The following PRR16 variants were observed in gnomAD, a reference collection of about 807,000 sequenced individuals.
PRR16 encodes proline rich 16.
A neutral mutation model predicts 18.2 loss-of-function variants in PRR16; 6 were observed. The ratio of observed to expected loss-of-function variants is 0.33; its 90% CI spans 0.18 to 0.65. The LOEUF (loss-of-function observed/expected upper bound fraction) is 0.65, where lower values mean the gene tolerates loss of function less well. PRR16 is among the 30% of genes least tolerant of loss of function. The pLI is 0.74. For missense variants in PRR16, 412 were observed against 376.6 expected (o/e 1.09, Z -0.78); for synonymous variants, 151 against 147.8 (o/e 1.02, Z -0.16).
intron 1 of PRR16, among the ~76,000 whole-genome samples, chr5:120,482,609 T>C (rs1360798700): frequency 6.6e-6 from 1 of 152,146 alleles, no homozygotes; most frequent in Non-Finnish European, 1.5e-5. Context: ...GTGTGTTTTT[T>C]TGGTAGAATG....
the PRR16 span, among the ~76,000 whole-genome samples, chr5:120,722,038 A>C: frequency 1.3e-5 from 2 of 152,072 alleles, no homozygotes; most frequent in South Asian, 4.2e-4. Flanking sequence ...CCTACCTGCC[A>C]ACAGGCCCTG....
chr5:120,529,619 G>A (rs1052726401), intron 1 of PRR16, among the ~76,000 whole-genome samples: 1 of 152,116 alleles, frequency 6.6e-6, no homozygotes, highest in Non-Finnish European at 1.5e-5. Flanking sequence ...TTCATGGCTT[G>A]AGAAGTGTTC....
intron 1 of PRR16, among the ~76,000 whole-genome samples, chr5:120,535,030 T>C (rs897246155): frequency 6.6e-6 from 1 of 151,904 alleles, no homozygotes; most frequent in African/African-American, 2.4e-5. Context: ...ATGAACCAGA[T>C]TGTAAGGGAT....
In PRR16 at chr5:120,572,031, A is replaced by G. The variant is rs182097558; in HGVS notation, c.159+107386A>G. On this transcript the variant is annotated intron_variant, in intron 1 of 1. Coordinates refer to ENST00000407149, the MANE Select transcript of PRR16 (RefSeq NM_001300783.2). ...CAAACTGTTTGCATGACAGTTTGTGACTACAAGAACAAGTATCCCGAAAGA... is the reference window on the plus strand; with the variant it reads ...CAAACTGTTTGCATGACAGTTTGTGGCTACAAGAACAAGTATCCCGAAAGA... 3.3e-5 allele frequency among the ~76,000 whole-genome samples: 5 copies of G among 152,284 alleles called. No homozygotes were observed. The East Asian group carries it at 5.8e-4, about 18-fold the overall frequency.
chr5:120,755,880 A>C, the PRR16 span, among the ~76,000 whole-genome samples: 1 of 152,130 alleles, frequency 6.6e-6, no homozygotes, highest in African/African-American at 2.4e-5. Flanking sequence ...TTACTGAAAG[A>C]AAAGTGTACT....
chr5:120,713,631 T>G, the PRR16 span, among the ~76,000 whole-genome samples: 2 of 152,146 alleles, frequency 1.3e-5, no homozygotes, highest in African/African-American at 4.8e-5. Flanking sequence ...AGGCAGTAAG[T>G]AGCTTGCCCA....
intron 1 of PRR16, among the ~76,000 whole-genome samples, chr5:120,497,142 A>G (rs901905319): frequency 6.6e-6 from 1 of 152,114 alleles, no homozygotes; most frequent in Non-Finnish European, 1.5e-5. Context: ...ATTTTTGTAT[A>G]TGTTTCACGG....
chr5:120,584,466 T>C (rs1173866425), intron 1 of PRR16, among the ~76,000 whole-genome samples: 2 of 152,198 alleles, frequency 1.3e-5, no homozygotes, highest in South Asian at 2.1e-4. Context: ...AGACTAAACA[T>C]TTAATTGCTA....
chr5:120,510,268 C>T (rs905084974), intron 1 of PRR16, among the ~76,000 whole-genome samples: 1 of 152,164 alleles, frequency 6.6e-6, no homozygotes, highest in African/African-American at 2.4e-5. Context: ...TGGCAGAACA[C>T]TTTGTGTTCT....
chr5:120,552,704 A>AT (rs1752291300), intron 1 of PRR16, among the ~76,000 whole-genome samples: 1 of 151,866 alleles, frequency 6.6e-6, no homozygotes, highest in Admixed American at 6.6e-5. Flanking sequence ...AACCACATGC[A>AT]TTTTTTCCTG....
At chr5:120,703,015 C>T in the PRR16 span, among the ~76,000 whole-genome samples, 1 of 152,148 alleles carries the variant, frequency 6.6e-6, no homozygotes, top group African/African-American at 2.4e-5. Flanking sequence ...AGCAACATGG[C>T]TGTTTATTTC....
At chr5:120,754,281 T>C in the PRR16 span, among the ~76,000 whole-genome samples, 6 of 39,784 alleles carry the variant, frequency 1.5e-4, no homozygotes, top group East Asian at 1.0e-3. Context: ...AAATAATATA[T>C]AAATATATAA....
chr5:120,685,809 C>A, intron 1 of PRR16, 145 bp from the exon 2 acceptor site: 1 of 780,390 alleles, frequency 1.3e-6, no homozygotes, highest in Non-Finnish European at 2.0e-6. Context: ...AATTTATTGA[C>A]TGAAAACATC....
chr5:120,791,950 T>G, the PRR16 span, among the ~76,000 whole-genome samples: 1 of 152,058 alleles, frequency 6.6e-6, no homozygotes. Context: ...AAGTAATATA[T>G]TGTACATTAA....
At chr5:120,574,401 C>G (rs1753008320) in intron 1 of PRR16, among the ~76,000 whole-genome samples, 1 of 151,916 alleles carries the variant, frequency 6.6e-6, no homozygotes, top group Non-Finnish European at 1.5e-5. Context: ...ACCAGGAGTT[C>G]GAGACCAGCC....
At chr5:120,552,622 A>G (rs1008890698) in intron 1 of PRR16, among the ~76,000 whole-genome samples, 17 of 151,978 alleles carry the variant, frequency 1.1e-4, no homozygotes, top group African/African-American at 3.6e-4. Context: ...CATTCTTGTC[A>G]ATCAAAAACT....
chr5:120,633,351 T>C (rs1385630941), intron 1 of PRR16, among the ~76,000 whole-genome samples: 2 of 152,064 alleles, frequency 1.3e-5, no homozygotes, highest in African/African-American at 4.8e-5. Context: ...GCATGATGAA[T>C]AGAATAGTAC....
intron 1 of PRR16, among the ~76,000 whole-genome samples, chr5:120,599,198 T>C (rs2112787321): frequency 6.6e-6 from 1 of 151,982 alleles, no homozygotes; most frequent in East Asian, 1.9e-4. Context: ...CCTATTGTAA[T>C]TTGGAAGCCA....
intron 1 of PRR16, among the ~76,000 whole-genome samples, chr5:120,512,373 G>C (rs1235660718): frequency 6.6e-6 from 1 of 152,140 alleles, no homozygotes; most frequent in Non-Finnish European, 1.5e-5. Flanking sequence ...AGAAAAGTCA[G>C]CAATCTTGGA....
Sources: allele counts gnomAD v4.1 joint callset (sites outside exome capture counted in the v4.1 genomes callset), GRCh38; gene constraint gnomAD v4.1.1; transcripts MANE v1.5; gene names NCBI Gene and HGNC (gene_info 2026-07-23, HGNC 2026-07-21).